Variants in SLC35F4 observed in about 807,000 individuals in gnomAD.
The protein encoded by SLC35F4 is solute carrier family 35 member F4, also known as chromosome 14 open reading frame 36.
A neutral mutation model predicts 44.2 loss-of-function variants in SLC35F4; 24 were observed. The observed-to-expected ratio is 0.54, with a 90% CI of 0.39 to 0.76. SLC35F4 has a LOEUF of 0.76. SLC35F4 is among the 30% of genes least tolerant of loss of function. The probability of loss-of-function intolerance (pLI) is 0.00; values close to 1 mark genes in which losing one functional copy is unlikely to be tolerated. For synonymous variants in SLC35F4, 238 were observed against 223.6 expected, an observed-to-expected ratio of 1.06 and a Z score of -0.57; for missense variants, 562 against 586.1, an observed-to-expected ratio of 0.96 and a Z score of 0.42.
At chr14:57,943,212 GT>G (rs983978013) in intron 1 of SLC35F4, among the ~76,000 whole-genome samples, 2 of 152,174 alleles carry the variant, frequency 1.3e-5, no homozygotes, top group Non-Finnish European at 2.9e-5. Context: ...GCCCCCAGTG[GT>G]TTTTGCACAG....
chr14:57,565,970 G>A (rs1225774624), intron 7 of SLC35F4, among the ~76,000 whole-genome samples: 2 of 152,102 alleles, frequency 1.3e-5, no homozygotes, highest in Non-Finnish European at 2.9e-5. Flanking sequence ...AAATATCCTG[G>A]AAAAATAGCT....
At chr14:57,662,510 T>G (rs2140240416) in intron 1 of SLC35F4, among the ~76,000 whole-genome samples, 2 of 152,310 alleles carry the variant, frequency 1.3e-5, no homozygotes, top group East Asian at 3.9e-4. Flanking sequence ...GTTATAAGCC[T>G]AGCCCCTCAT....
rs116618380 is a variant in SLC35F4 at position 57,809,274 on chromosome 14, T to C, written c.103+56449A>G. On this transcript the variant is annotated intron_variant, in intron 1 of 7. Coordinates refer to ENST00000556826, the MANE Select transcript of SLC35F4 (RefSeq NM_001306087.2). ...GTGTTAAGTGTCTCTCCCTCCCCCA[T>C]TTCATTTGCCTCCTAGTCACACAGC... is the stretch of plus-strand genomic sequence containing the variant. Among the ~76,000 whole-genome samples the C allele has an allele frequency of 4.7e-3, 720 of 152,298 alleles. 8 individuals are homozygous for C. The highest frequency in any genetic ancestry group is 0.016 in the African/African-American group (681 of 41,560).
intron 1 of SLC35F4, among the ~76,000 whole-genome samples, chr14:57,734,589 A>G (rs896051019): frequency 1.3e-5 from 2 of 152,200 alleles, no homozygotes; most frequent in African/African-American, 4.8e-5. Flanking sequence ...TCTTATCACT[A>G]TATTAAGCTG....
intron 1 of SLC35F4, among the ~76,000 whole-genome samples, chr14:57,841,567 G>A (rs1885482651): frequency 6.6e-6 from 1 of 152,254 alleles, no homozygotes; most frequent in Non-Finnish European, 1.5e-5. Flanking sequence ...CCTTTGATGG[G>A]CTAACAGGGT....
At chr14:57,964,233 T>A (rs1297288113) in intron 1 of SLC35F4, among the ~76,000 whole-genome samples, 2 of 151,718 alleles carry the variant, frequency 1.3e-5, no homozygotes, top group Admixed American at 6.6e-5. Flanking sequence ...AGTGAAGGGG[T>A]CCTGGGGGAA....
chr14:57,873,303 G>A (rs1888332984), intron 1 of SLC35F4, among the ~76,000 whole-genome samples: 1 of 152,030 alleles, frequency 6.6e-6, no homozygotes. Flanking sequence ...ACGCCAAGGG[G>A]GAAAAGAGCC....
chr14:57,930,579 C>A (rs548623806), intron 1 of SLC35F4, among the ~76,000 whole-genome samples: 5 of 152,176 alleles, frequency 3.3e-5, no homozygotes, highest in Admixed American at 6.5e-5. Context: ...TTGGGAAAAC[C>A]CAGATAAATG....
At chr14:57,754,635 GA>G (rs1227078724) in intron 1 of SLC35F4, among the ~76,000 whole-genome samples, 1 of 152,210 alleles carries the variant, frequency 6.6e-6, no homozygotes, top group African/African-American at 2.4e-5. Context: ...AATAAGTTCT[GA>G]GAAAAGGGCC....
At chr14:57,678,133 G>T (rs2074762945) in intron 1 of SLC35F4, among the ~76,000 whole-genome samples, 1 of 151,970 alleles carries the variant, frequency 6.6e-6, no homozygotes, top group East Asian at 1.9e-4. Context: ...GAATGGTTGG[G>T]GTACCCACAA....
intron 1 of SLC35F4, among the ~76,000 whole-genome samples, chr14:57,687,800 A>G (rs536055605): frequency 2.0e-5 from 3 of 152,218 alleles, no homozygotes; most frequent in Non-Finnish European, 4.4e-5. Flanking sequence ...ATTTGCAAAA[A>G]GAAAAACATT....
chr14:57,822,232 T>C (rs1883248569), intron 1 of SLC35F4, among the ~76,000 whole-genome samples: 1 of 152,234 alleles, frequency 6.6e-6, no homozygotes. Context: ...TAGAGGTAAG[T>C]TTCTGTGTCC....
At chr14:57,900,291 C>A (rs939980073) in intron 1 of SLC35F4, among the ~76,000 whole-genome samples, 1 of 152,178 alleles carries the variant, frequency 6.6e-6, no homozygotes, top group African/African-American at 2.4e-5. Context: ...GACATTGTCC[C>A]ACAGCTCCAG....
chr14:57,627,110 A>G (rs576740211), intron 1 of SLC35F4, among the ~76,000 whole-genome samples: 5 of 152,144 alleles, frequency 3.3e-5, no homozygotes, highest in African/African-American at 1.2e-4. Context: ...TAAAGTTCAC[A>G]TTTTGCATTT....
At chr14:57,702,109 A>T (rs2075556831) in intron 1 of SLC35F4, among the ~76,000 whole-genome samples, 1 of 152,194 alleles carries the variant, frequency 6.6e-6, no homozygotes, top group Non-Finnish European at 1.5e-5. Flanking sequence ...AAACTTCTGC[A>T]AAGGCATTTG....
At chr14:57,680,251 A>C (rs1350544986) in intron 1 of SLC35F4, among the ~76,000 whole-genome samples, 1 of 152,106 alleles carries the variant, frequency 6.6e-6, no homozygotes, top group Admixed American at 6.5e-5. Context: ...ACCATCACAT[A>C]AACAGAATCA....
At chr14:57,631,545 C>T (rs1034898911) in intron 1 of SLC35F4, among the ~76,000 whole-genome samples, 3 of 152,020 alleles carry the variant, frequency 2.0e-5, no homozygotes, top group Non-Finnish European at 4.4e-5. Flanking sequence ...GCATTTGTAT[C>T]AAAATTTGCC....
At position 57,712,838 on chromosome 14, in the gene SLC35F4, T is replaced by C. The variant is rs1384412765; in HGVS notation, c.104-118714A>G. On this transcript the variant is annotated intron_variant, in intron 1 of 7. Coordinates refer to ENST00000556826, the MANE Select transcript of SLC35F4 (RefSeq NM_001306087.2). ...TTTATAATCCACTTAATGGGTGATG[T>C]AAACAATTTTAAAGATGTATCTGAG... Among the ~76,000 whole-genome samples the C allele has an allele frequency of 2.0e-5, 3 of 152,230 alleles. No homozygotes were observed. The South Asian group carries it at 6.2e-4, about 31-fold the overall frequency.
Position 57,584,246 on chromosome 14 carries a change from C to CTAAATACAGTCCT in SLC35F4, c.588-2826_588-2814dup, listed in dbSNP as rs543391732. On this transcript the variant is annotated intron_variant, in intron 3 of 7. Transcript: ENST00000556826. ...TATAAATGATTATAAAAAACTACTT[C>CTAAATACAGTCCT]TAAATACAGTCCTTACCATCTAGAT... is the stretch of plus-strand genomic sequence containing the variant. 6.1e-4 allele frequency among the ~76,000 whole-genome samples: 93 copies of CTAAATACAGTCCT among 152,196 alleles called. 2 individuals are homozygous for CTAAATACAGTCCT. The South Asian group carries it at 0.019, about 31-fold the overall frequency.
Sources: allele counts gnomAD v4.1 joint callset (sites outside exome capture counted in the v4.1 genomes callset), GRCh38; gene constraint gnomAD v4.1.1; transcripts MANE v1.5; gene names NCBI Gene and HGNC (gene_info 2026-07-23, HGNC 2026-07-21).